The following PTPRD variants were observed in gnomAD, a reference collection of about 807,000 sequenced individuals.
PTPRD encodes the protein protein tyrosine phosphatase receptor type D.
PTPRD carries 34 observed loss-of-function variants against 214.5 expected under a neutral mutation model. The observed-to-expected ratio is 0.16, with a 90% confidence interval of 0.12 to 0.21. PTPRD has a LOEUF of 0.21. Among genes scored for constraint, PTPRD ranks in the 10% least tolerant of loss-of-function variants. The pLI, the probability that PTPRD is intolerant of heterozygous loss-of-function variation, is 1.00. For missense variants in PTPRD, 2,545 were observed against 2,398.7 expected (o/e 1.06, Z -1.27); for synonymous variants, 1,128 against 845.7 (o/e 1.33, Z -5.79).
chr9:8,497,613 T>G (rs2097305279), intron 25 of PTPRD, among the ~76,000 whole-genome samples: 1 of 152,238 alleles, frequency 6.6e-6, no homozygotes, highest in Non-Finnish European at 1.5e-5. Flanking sequence ...TAAAAGTCAC[T>G]ATTTAGATTA....
chr9:9,906,982 A>G (rs2077743097), intron 5 of PTPRD, among the ~76,000 whole-genome samples: 1 of 151,956 alleles, frequency 6.6e-6, no homozygotes, highest in South Asian at 2.1e-4. Context: ...GCCAAAATTA[A>G]GATGAACACA....
intron 12 of PTPRD, among the ~76,000 whole-genome samples, chr9:8,732,262 C>T (rs2098667838): frequency 6.6e-6 from 1 of 152,140 alleles, no homozygotes; most frequent in African/African-American, 2.4e-5. Flanking sequence ...TTTTAGTTAT[C>T]TGGAAATATA....
rs1018862525 is a variant in PTPRD at position 9,701,355 on chromosome 9, G to T, written c.-287+33178C>A. Among the ~76,000 whole-genome samples the T allele has an allele frequency of 2.0e-5, 3 of 152,140 alleles. No homozygotes were observed. In the South Asian group the frequency reaches 6.2e-4, roughly 32 times the overall value. Reference sequence around the variant, plus strand: ...GGTTTGCATTATAAAAAAAAGTTATGCTAATAATTACATGGTGTGAACTGG... The same window carrying T: ...GGTTTGCATTATAAAAAAAAGTTATTCTAATAATTACATGGTGTGAACTGG... On this transcript the variant is annotated intron_variant, in intron 7 of 45. Transcript: ENST00000381196.
At chr9:8,408,124 T>C (rs934027370) in intron 35 of PTPRD, among the ~76,000 whole-genome samples, 6 of 152,044 alleles carry the variant, frequency 3.9e-5, no homozygotes, top group African/African-American at 1.2e-4. Flanking sequence ...TAAGGAAGAG[T>C]GAGATGGCCA....
intron 10 of PTPRD, among the ~76,000 whole-genome samples, chr9:9,043,940 AAAATAAAATAAAATAAAATG>A (rs1191675723): frequency 8.1e-6 from 1 of 123,660 alleles, no homozygotes; most frequent in African/African-American, 3.4e-5. Flanking sequence ...AAAATAAAAT[AAAATAAAATAAAATAAAATG>A]AAAGTAAAAT....
chr9:9,749,225 T>C (rs1273904482), intron 6 of PTPRD, among the ~76,000 whole-genome samples: 1 of 152,166 alleles, frequency 6.6e-6, no homozygotes, highest in East Asian at 1.9e-4. Context: ...CATGTGATGA[T>C]CAGGGAGGGC....
At chr9:10,157,212 T>G (rs2099099112) in intron 3 of PTPRD, among the ~76,000 whole-genome samples, 1 of 152,072 alleles carries the variant, frequency 6.6e-6, no homozygotes, top group African/African-American at 2.4e-5. Context: ...TTTTTGGGGG[T>G]TGCTTTTTAT....
chr9:8,472,409 C>A (rs2096670957), intron 30 of PTPRD, among the ~76,000 whole-genome samples: 1 of 152,252 alleles, frequency 6.6e-6, no homozygotes, highest in Middle Eastern at 3.4e-3. Flanking sequence ...ACCACAGAGG[C>A]CAGCAAGGCC....
chr9:8,846,250 T>G (rs990919208), intron 11 of PTPRD, among the ~76,000 whole-genome samples: 1 of 152,130 alleles, frequency 6.6e-6, no homozygotes, highest in Non-Finnish European at 1.5e-5. Flanking sequence ...AACAGATGGG[T>G]TGTAAGATTT....
At chr9:10,202,671 G>GAGATAT (rs376695815) in intron 3 of PTPRD, among the ~76,000 whole-genome samples, 106 of 113,114 alleles carry the variant, frequency 9.4e-4, no homozygotes, top group African/African-American at 3.5e-3. Context: ...AAATTATATG[G>GAGATAT]ATATATATAT....
intron 9 of PTPRD, among the ~76,000 whole-genome samples, chr9:9,210,237 T>C (rs1327544698): frequency 6.6e-6 from 1 of 152,076 alleles, no homozygotes; most frequent in East Asian, 1.9e-4. Context: ...TAGAGAATTA[T>C]CTCCACAAAT....
chr9:10,214,208 G>A (rs533437886), intron 3 of PTPRD, among the ~76,000 whole-genome samples: 1 of 152,090 alleles, frequency 6.6e-6, no homozygotes, highest in South Asian at 2.1e-4. Flanking sequence ...GAAAAATATG[G>A]AAATTCCCAT....
At chr9:9,861,996 C>T (rs573782768) in intron 5 of PTPRD, among the ~76,000 whole-genome samples, 1 of 152,128 alleles carries the variant, frequency 6.6e-6, no homozygotes, top group African/African-American at 2.4e-5. Context: ...ATGTGATGGC[C>T]ATCACTGTCT....
chr9:9,053,784 T>C (rs112686754), intron 10 of PTPRD, among the ~76,000 whole-genome samples: 133 of 152,284 alleles, frequency 8.7e-4, no homozygotes, highest in African/African-American at 3.1e-3. Context: ...ATTGAAAATG[T>C]TGATTAGCAG....
intron 9 of PTPRD, among the ~76,000 whole-genome samples, chr9:9,286,336 C>T (rs1170585322): frequency 6.6e-6 from 1 of 151,828 alleles, no homozygotes; most frequent in Non-Finnish European, 1.5e-5. Context: ...ATAAATTATA[C>T]TGTCAACAAT....
intron 10 of PTPRD, among the ~76,000 whole-genome samples, chr9:9,144,233 A>G (rs2099864818): frequency 6.6e-6 from 1 of 152,204 alleles, no homozygotes. Flanking sequence ...TTGATATGTG[A>G]TCAGACATTT....
intron 5 of PTPRD, among the ~76,000 whole-genome samples, chr9:9,927,362 C>G (rs539156874): frequency 3.3e-5 from 5 of 152,186 alleles, no homozygotes; most frequent in African/African-American, 9.6e-5. Context: ...TGCTAGCTGT[C>G]CTTTCCTAAG....
At chr9:8,322,596 C>A (rs7863154) in intron 44 of PTPRD, among the ~76,000 whole-genome samples, 5,157 of 152,222 alleles carry the variant, frequency 0.034, 300 homozygotes, top group African/African-American at 0.12. Context: ...GAAGTTAGCA[C>A]AGGTTGGCTT....
chr9:10,536,533 T>G (rs987776571), intron 2 of PTPRD, among the ~76,000 whole-genome samples: 8 of 152,166 alleles, frequency 5.3e-5, no homozygotes, highest in Non-Finnish European at 1.2e-4. Context: ...CTATTAGGAA[T>G]TGGATCTGTT....
Sources: gnomAD v4.1 joint callset for allele counts (sites outside exome capture counted in the v4.1 genomes callset) on GRCh38, gnomAD v4.1.1 for gene constraint, MANE v1.5 for transcripts, NCBI Gene and HGNC (gene_info 2026-07-23, HGNC 2026-07-21) for gene names.